KCNQ1: variants seen among roughly 807,000 people sequenced by gnomAD.
The protein encoded by KCNQ1 is potassium voltage-gated channel subfamily KQT member 1.
Under a neutral mutation model 72.4 loss-of-function variants are expected in KCNQ1, and 49 were observed. The ratio of observed to expected loss-of-function variants is 0.68; its 90% CI spans 0.54 to 0.86. KCNQ1 has a LOEUF of 0.86. Among genes scored for constraint, KCNQ1 ranks in the 40% least tolerant of loss-of-function variants. KCNQ1 has a pLI of 0.00. For missense variants in KCNQ1, 790 were observed against 945.1 expected (o/e 0.84, Z 2.15); for synonymous variants, 450 against 412.6 (o/e 1.09, Z -1.10).
rs934943746 is a variant in KCNQ1, at chr11:2,603,709, G to A, written c.1393+14855G>A. Among the ~76,000 whole-genome samples, 2 of 150,562 alleles carry A rather than the reference G, an allele frequency of 1.3e-5. No individual in the cohort carries two copies. Among genetic ancestry groups the A allele is most frequent in the Non-Finnish European group, 3.0e-5 (2 of 67,752 alleles). ...CTTCAGTGCTTCTTTTTTTTTCCCC[G>A]AGACAGAGTCTCCCTCTGTCGCCCA... is the stretch of plus-strand genomic sequence containing the variant. On this transcript the variant is annotated intron_variant, in intron 10 of 15. Coordinates refer to ENST00000155840, the MANE Select transcript of KCNQ1 (RefSeq NM_000218.3). This position sits in a 1 kb window ranked among gnomAD's most constrained non-coding sequence, Gnocchi z 4.1.
At position 2,715,331 on chromosome 11, in the gene KCNQ1, GC is replaced by G. The variant is rs1288130413; in HGVS notation, c.1514+53253del. Among the ~76,000 whole-genome samples, 1 of 152,130 alleles carries G rather than the reference GC, an allele frequency of 6.6e-6. No homozygotes were observed. The highest frequency in any genetic ancestry group is 1.5e-5 in the Non-Finnish European group (1 of 68,004). ...AGACCTGCGGGCTGTGTCATGGAGGGCCCTTACCCCGGAGGAGCCAGGAAGG... is the reference window on the plus strand; with the variant it reads ...AGACCTGCGGGCTGTGTCATGGAGGGCCTTACCCCGGAGGAGCCAGGAAGG... On this transcript the variant is annotated intron_variant, in intron 11 of 15. Transcript: ENST00000155840. This position sits in a 1 kb window ranked among gnomAD's most constrained non-coding sequence, Gnocchi z 4.9.
chr11:2,768,768 A>G lies in KCNQ1; in HGVS notation c.1515-76A>G. Reference sequence around the variant, plus strand: ...GAAGGATCCAGTCTGCGTGCTCCTCAGGCAGTGCAGGGGCAGTGAGGGGAT... The same window carrying G: ...GAAGGATCCAGTCTGCGTGCTCCTCGGGCAGTGCAGGGGCAGTGAGGGGAT... On this transcript the variant is annotated intron_variant, in intron 11 of 15. Transcript: ENST00000155840. This position sits in a 1 kb window ranked among gnomAD's most constrained non-coding sequence, Gnocchi z 6.7. 1.8e-6 allele frequency: 2 copies of G among 1,103,904 alleles called. No homozygotes were observed. The highest frequency in any genetic ancestry group is 2.5e-5 in the South Asian group (2 of 80,622). The allele number at this position is 1,103,904 out of a possible 1,614,324, so 68.4% of individuals were successfully genotyped here. A position where few individuals can be genotyped will look rare whatever the true frequency, so the allele number is the denominator to read the frequency against.
rs369251624 is a variant in KCNQ1 at position 2,668,313 on chromosome 11, A to C, written c.1514+6232A>C. The C allele has an allele frequency of 1.5e-5, 6 of 398,486 alleles. No individual in the cohort carries two copies. The highest frequency in any genetic ancestry group is 1.2e-4 in the African/African-American group (6 of 48,610). 24.7% of individuals were successfully genotyped at this position (398,486 alleles called of 1,614,324 possible). ...GAGCATCAGGTTGCGTTTCTGGGGA[A>C]TATATGCCTATGTGTGGAGCTGCAG... On this transcript the variant is annotated intron_variant, in intron 11 of 15. Transcript: ENST00000155840. This position sits in a 1 kb window ranked among gnomAD's most constrained non-coding sequence, Gnocchi z 4.3.
At position 2,824,385 on chromosome 11, in the gene KCNQ1, T is replaced by G. The variant is rs1590112348; in HGVS notation, c.1795-23382T>G. ...TGGATATGGTGGTGAAGGAGGGGAG[T>G]CTTCAGGAAAGACCCCCAGGTTCTG... On this transcript the variant is annotated intron_variant, in intron 15 of 15. Transcript: ENST00000155840. The surrounding 1 kb of genome is among the most constrained non-coding windows in gnomAD (Gnocchi z 5.9). Among the ~76,000 whole-genome samples the G allele has an allele frequency of 6.7e-6, 1 of 149,736 alleles. No individual in the cohort carries two copies. The highest frequency in any genetic ancestry group is 2.5e-5 in the African/African-American group (1 of 40,470).
chr11:2,778,333 C>T (rs1846750627), intron 15 of KCNQ1, among the ~76,000 whole-genome samples: 1 of 152,262 alleles, frequency 6.6e-6, no homozygotes, highest in Non-Finnish European at 1.5e-5. Context: ...TTCCCGCTGC[C>T]TCTCGTAGTC....
intron 1 of KCNQ1, among the ~76,000 whole-genome samples, chr11:2,514,540 G>A (rs570038703): frequency 4.6e-5 from 7 of 152,332 alleles, no homozygotes; most frequent in African/African-American, 1.7e-4. Flanking sequence ...ACTTGGCCGG[G>A]CGAGGTGGCT....
At chr11:2,545,638 TG>T (rs1847893820) in intron 2 of KCNQ1, among the ~76,000 whole-genome samples, 1 of 152,176 alleles carries the variant, frequency 6.6e-6, no homozygotes. Flanking sequence ...TTCAGGTGAT[TG>T]GTAATTATAT....
intron 1 of KCNQ1, among the ~76,000 whole-genome samples, chr11:2,514,132 G>T (rs1022687722): frequency 6.6e-6 from 1 of 152,190 alleles, no homozygotes; most frequent in Non-Finnish European, 1.5e-5. Flanking sequence ...AGTGGGAGAT[G>T]CCCCCCTCCC....
intron 10 of KCNQ1, chr11:2,625,634 G>T: frequency 2.5e-6 from 1 of 396,250 alleles, no homozygotes; most frequent in South Asian, 1.3e-4. Flanking sequence ...TGAGTGCAGT[G>T]GTGCCATCTC....
intron 15 of KCNQ1, among the ~76,000 whole-genome samples, chr11:2,799,979 C>G (rs1847226450): frequency 6.6e-6 from 1 of 152,206 alleles, no homozygotes; most frequent in Admixed American, 6.5e-5. Context: ...CCGGAGAGGC[C>G]TGGGTAGCTG....
intron 10 of KCNQ1, chr11:2,629,783 C>A: frequency 2.5e-6 from 1 of 398,350 alleles, no homozygotes; most frequent in Non-Finnish European, 4.4e-6. Flanking sequence ...TGTATCCTGC[C>A]ACTTTACTGA....
intron 12 of KCNQ1, among the ~76,000 whole-genome samples, chr11:2,770,678 T>C (rs1846580044): frequency 6.6e-6 from 1 of 152,252 alleles, no homozygotes; most frequent in Non-Finnish European, 1.5e-5. Flanking sequence ...CAAATGCCAC[T>C]GCTGGCCAGT....
intron 6 of KCNQ1, among the ~76,000 whole-genome samples, chr11:2,575,656 G>T (rs1484322826): frequency 1.3e-5 from 2 of 152,248 alleles, no homozygotes; most frequent in Non-Finnish European, 2.9e-5. Context: ...GGCAGCCAGG[G>T]CTGCTCCATG....
At chr11:2,445,617 C>A in intron 1 of KCNQ1, 133 bp downstream of exon 1, 2 of 1,061,654 alleles carry the variant, frequency 1.9e-6, no homozygotes, top group Non-Finnish European at 1.4e-6. Context: ...AGTGGGGAAA[C>A]GCAGAAACAC....
intron 9 of KCNQ1, among the ~76,000 whole-genome samples, chr11:2,587,925 A>G (rs1182810332): frequency 6.6e-6 from 1 of 152,170 alleles, no homozygotes; most frequent in Non-Finnish European, 1.5e-5. Context: ...CCAGGGCATG[A>G]GAGCTCCAGA....
intron 2 of KCNQ1, among the ~76,000 whole-genome samples, chr11:2,554,973 C>A (rs1848046891): frequency 6.6e-6 from 1 of 152,214 alleles, no homozygotes; most frequent in Non-Finnish European, 1.5e-5. Context: ...AGAAAACAGA[C>A]TAGACAGGCC....
intron 2 of KCNQ1, among the ~76,000 whole-genome samples, chr11:2,535,362 C>G (rs887197202): frequency 6.6e-6 from 1 of 152,202 alleles, no homozygotes; most frequent in African/African-American, 2.4e-5. Context: ...AGGCTCCTCC[C>G]GGGTCAGGGT....
intron 15 of KCNQ1, among the ~76,000 whole-genome samples, chr11:2,792,612 C>T (rs1847050335): frequency 6.6e-6 from 1 of 152,110 alleles, no homozygotes; most frequent in Non-Finnish European, 1.5e-5. Flanking sequence ...AGAGGAAGAG[C>T]GTTCTGGGCG....
intron 10 of KCNQ1, chr11:2,614,377 C>A (rs1478565997): frequency 1.0e-5 from 4 of 398,294 alleles, no homozygotes; most frequent in Non-Finnish European, 1.8e-5. Flanking sequence ...TAACAGAAAC[C>A]ATTTCAAAAT....
Sources: gnomAD v4.1 joint callset for allele counts (sites outside exome capture counted in the v4.1 genomes callset) on GRCh38, gnomAD v4.1.1 for gene constraint, Gnocchi (gnomAD v3.1) non-coding constraint, MANE v1.5 for transcripts, NCBI Gene and HGNC (gene_info 2026-07-23, HGNC 2026-07-21) for gene names.